POU2F2: variants seen among roughly 807,000 people sequenced by gnomAD.
POU2F2 encodes the protein POU class 2 homeobox 2.
Under a neutral mutation model 63.5 loss-of-function variants are expected in POU2F2, and 14 were observed. The ratio of observed to expected loss-of-function variants is 0.22; its 90% CI spans 0.15 to 0.34. The LOEUF is 0.34. POU2F2 is among the 10% of genes least tolerant of loss of function. POU2F2 has a pLI of 1.00. For synonymous variants in POU2F2, 306 were observed against 348.6 expected (o/e 0.88, Z 1.36); for missense variants, 607 against 815.2 (o/e 0.74, Z 3.11).
chr19:42,128,838 C>CTT (rs57927769), intron 1 of POU2F2, among the ~76,000 whole-genome samples: 1 of 143,450 alleles, frequency 7.0e-6, no homozygotes, highest in African/African-American at 2.5e-5. Flanking sequence ...AGGTGATTCT[C>CTT]TTTTTTTTTT....
chr19:42,118,177 G>A (rs1298685892), intron 4 of POU2F2, among the ~76,000 whole-genome samples: 1 of 152,132 alleles, frequency 6.6e-6, no homozygotes, highest in African/African-American at 2.4e-5. Flanking sequence ...CTCCTGCCTT[G>A]GCCTCCCAAA....
rs143013628 is a variant in POU2F2 at position 42,162,913 on chromosome 19, G to A, written c.-69-2521C>T. On this transcript the variant is annotated intron_variant, in intron 1 of 6. Transcript: ENST00000524801. This position sits in a 1 kb window ranked among gnomAD's most constrained non-coding sequence, Gnocchi z 4.1. ...AGACACATCAGTACTGGCATTTCCTGAGTGCTGGTCATGCACCAGGGGTGG... is the reference window on the plus strand; with the variant it reads ...AGACACATCAGTACTGGCATTTCCTAAGTGCTGGTCATGCACCAGGGGTGG... Among the ~76,000 whole-genome samples the A allele has an allele frequency of 3.7e-3, 567 of 152,298 alleles. 3 individuals carry two copies. Among genetic ancestry groups the A allele is most frequent in the South Asian group, 0.012 (59 of 4,828 alleles).
intron 5 of POU2F2, among the ~76,000 whole-genome samples, chr19:42,115,844 A>G (rs762197005): frequency 2.6e-5 from 4 of 152,232 alleles, no homozygotes; most frequent in African/African-American, 9.6e-5. Context: ...AATGAGGTCA[A>G]TGGGGTGGGC....
intron 1 of POU2F2, among the ~76,000 whole-genome samples, chr19:42,166,362 G>A (rs543543844): frequency 6.6e-6 from 1 of 152,082 alleles, no homozygotes; most frequent in African/African-American, 2.4e-5. Context: ...ACAAAAAAAA[G>A]TTCAAAGCAC....
At chr19:42,118,542 C>G (rs1021566303) in intron 4 of POU2F2, among the ~76,000 whole-genome samples, 24 of 152,254 alleles carry the variant, frequency 1.6e-4, no homozygotes, top group Admixed American at 3.3e-4. Flanking sequence ...CAGGAAATAC[C>G]AGGCTTCAGC....
intron 2 of POU2F2, among the ~76,000 whole-genome samples, chr19:42,159,844 T>C (rs1430150813): frequency 6.6e-6 from 1 of 152,190 alleles, no homozygotes. Context: ...CTTTGACAGA[T>C]GGGGAAACTG....
At chr19:42,133,190 C>G (rs143245000), upstream of POU2F2, among the ~76,000 whole-genome samples, 190 of 152,274 alleles carry the variant, frequency 1.2e-3, 1 homozygote, top group African/African-American at 4.3e-3. This position sits in a 1 kb window ranked among gnomAD's most constrained non-coding sequence, Gnocchi z 5.1. Flanking sequence ...CCCGGGCTGC[C>G]GGCTGGCTCT....
At chr19:42,105,548 C>T (rs937872779) in intron 5 of POU2F2, among the ~76,000 whole-genome samples, 3 of 151,884 alleles carry the variant, frequency 2.0e-5, no homozygotes, top group Non-Finnish European at 4.4e-5. Context: ...CCTCCAGAAG[C>T]CTAGAGAGGT....
chr19:42,117,428 C>G lies in POU2F2; in HGVS notation c.191G>C (p.Gly64Ala), dbSNP rs767905112. The change falls in exon 5 of 15, where the codon GGC becomes GCC. Residue 64 changes from glycine (G) to alanine (A), a missense_variant. Transcript: ENST00000692977. The surrounding 1 kb of genome is among the most constrained non-coding windows in gnomAD (Gnocchi z 4.4). ...VSPTGPSTKV[G>A]ILSGLHLTFW... ...TGTTAAGTGGAGGCCAGAGAGAATG[C>G]CCACCTGTGAACCAAAGAGAGGGCA... 30 of 1,215,918 alleles carry G rather than the reference C, an allele frequency of 2.5e-5. No individual in the cohort carries two copies. Among genetic ancestry groups the G allele is most frequent in the Non-Finnish European group, 3.5e-5 (30 of 859,314 alleles). 75.3% of individuals were successfully genotyped at this position (1,215,918 alleles called of 1,614,324 possible).
chr19:42,197,590 C>T (rs965044348), upstream of POU2F2, among the ~76,000 whole-genome samples: 3 of 152,194 alleles, frequency 2.0e-5, no homozygotes, highest in Admixed American at 6.5e-5. Flanking sequence ...AAGGAAAACC[C>T]TGAATATTGA....
chr19:42,132,655 C>G (rs953646805), upstream of POU2F2: 1 of 405,066 alleles, frequency 2.5e-6, no homozygotes, highest in Non-Finnish European at 4.4e-6. Flanking sequence ...AGAGCCGACT[C>G]CTACGGCTGC....
In POU2F2 at chr19:42,117,165, G is replaced by T; in HGVS notation, c.369+85C>A. 1.8e-6 allele frequency: 2 copies of T among 1,120,466 alleles called. No homozygotes were observed. The highest frequency in any genetic ancestry group is 2.5e-6 in the Non-Finnish European group (2 of 791,114). The allele number at this position is 1,120,466 out of a possible 1,614,324, so 69.4% of individuals were successfully genotyped here. A position where few individuals can be genotyped will look rare whatever the true frequency, so the allele number is the denominator to read the frequency against. ...GGTGTGAGAGAGTGGCCATGGCCTT[G>T]GTGGAACAGTTCATCCACTAGCCCT... is the stretch of plus-strand genomic sequence containing the variant. On this transcript the variant is annotated intron_variant, in intron 5 of 14. Coordinates refer to ENST00000692977, the MANE Select transcript of POU2F2 (RefSeq NM_001394376.1). The surrounding 1 kb of genome is among the most constrained non-coding windows in gnomAD (Gnocchi z 4.4).
intron 1 of POU2F2, among the ~76,000 whole-genome samples, chr19:42,191,907 C>T (rs917490683): frequency 1.3e-5 from 2 of 152,196 alleles, no homozygotes; most frequent in Non-Finnish European, 2.9e-5. Flanking sequence ...AGGCAAGTGA[C>T]TTTACCTTCC....
intron 1 of POU2F2, 94 bp downstream of exon 1, chr19:42,132,290 G>T: frequency 7.1e-7 from 1 of 1,407,536 alleles, no homozygotes; most frequent in Non-Finnish European, 9.8e-7. Context: ...GGACAATGGA[G>T]ACAGCTGAGG....
rs955184601 is a variant in POU2F2, at chr19:42,153,022, AC to A, written c.-9+7309del. On this transcript the variant is annotated intron_variant, in intron 2 of 6. Coordinates refer to the POU2F2 transcript ENST00000524801. The surrounding 1 kb of genome is among the most constrained non-coding windows in gnomAD (Gnocchi z 5.6). ...CGAACCCTCAGGCCGGCCTGCGCCC[AC>A]CCCCAGAGCTGCTGGCTGCCCCGCC... Among the ~76,000 whole-genome samples the A allele has an allele frequency of 2.0e-5, 3 of 151,776 alleles. No individual in the cohort carries two copies. The highest frequency in any genetic ancestry group is 4.4e-5 in the Non-Finnish European group (3 of 67,928).
intron 5 of POU2F2, among the ~76,000 whole-genome samples, chr19:42,108,775 G>T (rs2030577366): frequency 6.6e-6 from 1 of 152,172 alleles, no homozygotes; most frequent in Non-Finnish European, 1.5e-5. Flanking sequence ...GGTGGAGAAG[G>T]TATAGTAAGT....
chr19:42,194,796 G>A (rs2035113302), intron 1 of POU2F2, among the ~76,000 whole-genome samples: 1 of 141,242 alleles, frequency 7.1e-6, no homozygotes, highest in Non-Finnish European at 1.5e-5. Flanking sequence ...AGACAGGAAG[G>A]GGAGGGAGGG....
At chr19:42,100,624 G>A (rs995975505) in intron 5 of POU2F2, among the ~76,000 whole-genome samples, 1 of 151,868 alleles carries the variant, frequency 6.6e-6, no homozygotes, top group East Asian at 2.0e-4. Flanking sequence ...GGTGGTACAC[G>A]CCTGTAGTCC....
chr19:42,174,324 T>C (rs1034957029), intron 1 of POU2F2, among the ~76,000 whole-genome samples: 4 of 152,204 alleles, frequency 2.6e-5, no homozygotes, highest in Non-Finnish European at 5.9e-5. Context: ...CTAGTACCCA[T>C]ACACAGAGCC....
Sources: gnomAD v4.1 joint callset for allele counts (sites outside exome capture counted in the v4.1 genomes callset) on GRCh38, gnomAD v4.1.1 for gene constraint, Gnocchi (gnomAD v3.1) non-coding constraint, MANE v1.5 for transcripts, NCBI Gene and HGNC (gene_info 2026-07-23, HGNC 2026-07-21) for gene names.